The following DAB1 variants were observed in gnomAD, a reference collection of about 807,000 sequenced individuals.
DAB1 encodes DAB adaptor protein 1.
DAB1 carries 15 observed loss-of-function variants against 64.6 expected under a neutral mutation model. The ratio of observed to expected loss-of-function variants is 0.23; its 90% CI spans 0.16 to 0.36. The LOEUF (loss-of-function observed/expected upper bound fraction) is 0.36. Among genes scored for constraint, DAB1 ranks in the 10% least tolerant of loss-of-function variants. The pLI, the probability that DAB1 is intolerant of heterozygous loss-of-function variation, is 1.00. For missense variants in DAB1, 596 were observed against 706.7 expected (o/e 0.84, Z 1.78); for synonymous variants, 235 against 251.9 (o/e 0.93, Z 0.64).
At chr1:58,300,646 G>GAGGAAGGAAGGAAGGA (rs750819465) in intron 4 of DAB1, among the ~76,000 whole-genome samples, 1 of 57,292 alleles carries the variant, frequency 1.7e-5, no homozygotes, top group African/African-American at 6.7e-5. Context: ...GAGAGAGAGA[G>GAGGAAGGAAGGAAGGA]AGGAAGGAAG....
At chr1:58,541,269 G>C (rs1312011943) in intron 1 of DAB1, among the ~76,000 whole-genome samples, 2 of 102,952 alleles carry the variant, frequency 1.9e-5, no homozygotes, top group Admixed American at 1.6e-4. Context: ...ATTCCAGCCT[G>C]GGCAACAGAG....
chr1:58,101,041 G>A (rs1570352996), intron 5 of DAB1, among the ~76,000 whole-genome samples: 1 of 152,342 alleles, frequency 6.6e-6, no homozygotes, highest in South Asian at 2.1e-4. Context: ...TCACAGCCGG[G>A]CGCGGTGGCT....
At chr1:57,528,647 C>T (rs759130695) in intron 7 of DAB1, among the ~76,000 whole-genome samples, 1,692 of 100,380 alleles carry the variant, frequency 0.017, 14 homozygotes, top group East Asian at 0.085. Flanking sequence ...GACACACACA[C>T]ACACACACAC....
At chr1:57,313,534 G>C (rs551993780) in intron 1 of DAB1, among the ~76,000 whole-genome samples, 1 of 152,218 alleles carries the variant, frequency 6.6e-6, no homozygotes, top group Non-Finnish European at 1.5e-5. Context: ...TATGAGGAAG[G>C]GGTAAGTTGG....
Position 57,145,444 on chromosome 1 carries a change from A to G in DAB1, c.68-15T>C, listed in dbSNP as rs767456570. ...GCGATCCTGACCTAAAAAGAGAAAA[A>G]GCAGATTCAAATATGTAGCTGTGCA... On this transcript the variant is annotated splice_polypyrimidine_tract_variant and intron_variant, in intron 2 of 14. Coordinates refer to ENST00000371236, the MANE Select transcript of DAB1 (RefSeq NM_001365792.1). 2 of 1,613,758 alleles carry G rather than the reference A, an allele frequency of 1.2e-6. No homozygotes were observed. The highest frequency in any genetic ancestry group is 2.2e-5 in the South Asian group (2 of 91,048).
chr1:57,693,833 G>T (rs1322054505), intron 6 of DAB1, among the ~76,000 whole-genome samples: 1 of 152,108 alleles, frequency 6.6e-6, no homozygotes, highest in African/African-American at 2.4e-5. Context: ...TCACCCCAAA[G>T]GTCCGCAGCT....
chr1:58,225,692 C>T (rs189467991), intron 4 of DAB1, among the ~76,000 whole-genome samples: 1 of 151,662 alleles, frequency 6.6e-6, no homozygotes, highest in East Asian at 1.9e-4. Flanking sequence ...AACCATCATT[C>T]TCAGCAAACT....
At chr1:57,516,560 C>A (rs1644466205) in intron 7 of DAB1, among the ~76,000 whole-genome samples, 2 of 152,154 alleles carry the variant, frequency 1.3e-5, no homozygotes, top group African/African-American at 2.4e-5. Context: ...AACAATAAAA[C>A]CATATTACTC....
At chr1:58,298,046 A>G (rs1288896384) in intron 4 of DAB1, among the ~76,000 whole-genome samples, 2 of 152,210 alleles carry the variant, frequency 1.3e-5, no homozygotes, top group African/African-American at 4.8e-5. Flanking sequence ...ATTAAAGAAT[A>G]TTATATATTG....
At chr1:57,048,446 G>T (rs1000306932) in intron 9 of DAB1, among the ~76,000 whole-genome samples, 1 of 152,166 alleles carries the variant, frequency 6.6e-6, no homozygotes, top group East Asian at 1.9e-4. Context: ...TGTTCTTTCT[G>T]TAGTTTTACA....
chr1:58,027,129 G>A (rs920436527), intron 5 of DAB1, among the ~76,000 whole-genome samples: 2 of 152,240 alleles, frequency 1.3e-5, no homozygotes, highest in Non-Finnish European at 2.9e-5. Context: ...CAGAGCTGGG[G>A]TTGCCAAAGA....
chr1:57,483,737 A>G (rs1188327245), intron 7 of DAB1, among the ~76,000 whole-genome samples: 1 of 152,074 alleles, frequency 6.6e-6, no homozygotes, highest in Non-Finnish European at 1.5e-5. Flanking sequence ...TCCTGCTTCC[A>G]GTTCTGACTC....
intron 7 of DAB1, among the ~76,000 whole-genome samples, chr1:57,500,737 C>T (rs1644281100): frequency 6.6e-6 from 1 of 151,856 alleles, no homozygotes; most frequent in Admixed American, 6.6e-5. Flanking sequence ...TGCTTTATTC[C>T]TTTAGAAAAA....
chr1:57,454,675 G>A (rs1225350260), intron 7 of DAB1, among the ~76,000 whole-genome samples: 1 of 151,980 alleles, frequency 6.6e-6, no homozygotes, highest in Non-Finnish European at 1.5e-5. Flanking sequence ...AAAAAGTGGA[G>A]TTATAAAGGA....
At chr1:57,253,400 G>A (rs755588803) in intron 2 of DAB1, among the ~76,000 whole-genome samples, 5 of 152,122 alleles carry the variant, frequency 3.3e-5, no homozygotes, top group Admixed American at 3.3e-4. Context: ...TTTGGCTCCT[G>A]TGTCTGATTT....
At chr1:57,553,643 C>A (rs1429252951) in intron 7 of DAB1, among the ~76,000 whole-genome samples, 2 of 151,896 alleles carry the variant, frequency 1.3e-5, no homozygotes, top group Non-Finnish European at 2.9e-5. Context: ...TGCACTCTAG[C>A]CTGGACCACA....
At chr1:57,678,761 G>GTTTTTTTTTTTTT (rs143885937) in intron 6 of DAB1, among the ~76,000 whole-genome samples, 5 of 135,808 alleles carry the variant, frequency 3.7e-5, no homozygotes, top group Non-Finnish European at 3.1e-5. Context: ...TGAGGCAACT[G>GTTTTTTTTTTTTT]TTTTTTGTTT....
chr1:57,633,737 C>T (rs1282434268), intron 7 of DAB1, among the ~76,000 whole-genome samples: 1 of 152,148 alleles, frequency 6.6e-6, no homozygotes, highest in East Asian at 1.9e-4. Context: ...TTCAATTACC[C>T]TTCTCCACTA....
At chr1:57,343,816 A>G (rs1203093506) in intron 1 of DAB1, among the ~76,000 whole-genome samples, 1 of 152,336 alleles carries the variant, frequency 6.6e-6, no homozygotes, top group East Asian at 1.9e-4. Flanking sequence ...AAGCTGAGGG[A>G]GCTGGCTCTG....
Sources: gnomAD v4.1 joint callset for allele counts (sites outside exome capture counted in the v4.1 genomes callset) on GRCh38, gnomAD v4.1.1 for gene constraint, MANE v1.5 for transcripts, NCBI Gene and HGNC (gene_info 2026-07-23, HGNC 2026-07-21) for gene names.